SORT1: variants seen among roughly 807,000 people sequenced by gnomAD.
SORT1 encodes the protein sortilin.
SORT1 carries 39 observed loss-of-function variants against 101.7 expected under a neutral mutation model. The ratio of observed to expected loss-of-function variants is 0.38; its 90% CI spans 0.30 to 0.50. The LOEUF is 0.50. SORT1 is among the 20% of genes least tolerant of loss of function. SORT1 has a pLI of 0.90. For missense variants in SORT1, 878 were observed against 1,040.4 expected (o/e 0.84, Z 2.15); for synonymous variants, 396 against 393.7 (o/e 1.01, Z -0.07).
At chr1:109,353,328 CAAAA>C (rs1228771965) in intron 5 of SORT1, among the ~76,000 whole-genome samples, 1 of 61,052 alleles carries the variant, frequency 1.6e-5, no homozygotes, top group Non-Finnish European at 3.3e-5. Flanking sequence ...AACTCTGTCT[CAAAA>C]AAAAAAAAAA....
At chr1:109,368,221 G>A (rs1451642615) in intron 2 of SORT1, among the ~76,000 whole-genome samples, 2 of 150,854 alleles carry the variant, frequency 1.3e-5, no homozygotes. Context: ...TTGAACCTGG[G>A]AGGTGGACGT....
At chr1:109,382,754 CA>C (rs1341300409) in intron 1 of SORT1, among the ~76,000 whole-genome samples, 3 of 152,146 alleles carry the variant, frequency 2.0e-5, no homozygotes, top group Admixed American at 2.0e-4. Flanking sequence ...ATCTGACTGT[CA>C]AATAGGTTTT....
At position 109,311,004 on chromosome 1, in the gene SORT1, C is replaced by A. The variant is rs984264747; in HGVS notation, c.*3039G>T. On this transcript the variant is annotated 3_prime_UTR_variant, in exon 20 of 20. Coordinates refer to ENST00000256637, the MANE Select transcript of SORT1 (RefSeq NM_002959.7). ...GGTGGGAAGTCCATTCAGAGGCAGA[C>A]GTAGATTCTACGTTCCAGTTACGGC... 2 of 152,216 alleles carry A rather than the reference C, an allele frequency of 1.3e-5. No homozygotes were observed. Among genetic ancestry groups the A allele is most frequent in the Non-Finnish European group, 2.9e-5 (2 of 68,076 alleles). The allele number at this position is 152,216 out of a possible 1,614,324, so 9.4% of individuals were successfully genotyped here. A position where few individuals can be genotyped will look rare whatever the true frequency, so the allele number is the denominator to read the frequency against.
Position 109,355,464 on chromosome 1 carries a change from T to C in SORT1, c.446A>G (p.Asp149Gly). Reference protein sequence around the residue: ...FGQSKLYRSEDYGKNFKDITD... With the variant: ...FGQSKLYRSEGYGKNFKDITD... ...AATATCCTTAAAGTTCTTCCCATAA[T>C]CCTCACTGAGAGGAAGAAAAAAAGG... Residue 149 changes from aspartate to glycine, a missense_variant, in exon 4 of 20, where the codon GAT becomes GGT. By Grantham distance (94) the Asp-to-Gly change is moderately conservative. This residue lies in a region of SORT1 where 684 missense variants were observed against 894.5 expected (regional missense o/e 0.76). Transcript: ENST00000256637. 6.5e-7 allele frequency: 1 copy of C among 1,536,790 alleles called. No homozygotes were observed. Among genetic ancestry groups the C allele is most frequent in the Non-Finnish European group, 9.0e-7 (1 of 1,109,770 alleles).
chr1:109,334,688 A>C (rs2101568575), intron 11 of SORT1, among the ~76,000 whole-genome samples: 1 of 152,328 alleles, frequency 6.6e-6, no homozygotes, highest in East Asian at 1.9e-4. Flanking sequence ...CCACACACAC[A>C]AAAGATAATT....
At chr1:109,336,490 T>C (rs1398934002) in intron 10 of SORT1, 144 bp from the exon 11 acceptor site, 14 of 632,434 alleles carry the variant, frequency 2.2e-5, no homozygotes, top group Non-Finnish European at 2.9e-5. Context: ...CGGCTCATTG[T>C]TGGTAACGGA....
chr1:109,314,915 A>G (rs559462336), intron 17 of SORT1, 137 bp from the exon 18 acceptor site: 24 of 557,816 alleles, frequency 4.3e-5, no homozygotes, highest in East Asian at 2.2e-4. Context: ...CTCTTTTCCA[A>G]CCCCCCAAGA....
chr1:109,333,323 A>G (rs1648587501), intron 11 of SORT1, among the ~76,000 whole-genome samples: 2 of 152,204 alleles, frequency 1.3e-5, no homozygotes, highest in Non-Finnish European at 2.9e-5. Context: ...AAGGAAATAT[A>G]GGGAAAAAAG....
chr1:109,391,288 T>G (rs1163565909), intron 1 of SORT1, among the ~76,000 whole-genome samples: 1 of 152,192 alleles, frequency 6.6e-6, no homozygotes, highest in Non-Finnish European at 1.5e-5. Context: ...AAAACACCCC[T>G]AAATGTGAAA....
rs1350825367 is a variant in SORT1, at chr1:109,397,569, G to C, written c.306+18C>G. Reference sequence around the variant, plus strand: ...GCACCTCGCACCCGAGCGGCTCCCGGGCCCGGCGCCCGCTCACCTGGTGCG... The same window carrying C: ...GCACCTCGCACCCGAGCGGCTCCCGCGCCCGGCGCCCGCTCACCTGGTGCG... On this transcript the variant is annotated intron_variant, in intron 1 of 19. Transcript: ENST00000256637. 2 of 1,178,578 alleles carry C rather than the reference G, an allele frequency of 1.7e-6. No homozygotes were observed. The highest frequency in any genetic ancestry group is 2.1e-6 in the Non-Finnish European group (2 of 950,724). The allele number at this position is 1,178,578 out of a possible 1,614,324, so 73.0% of individuals were successfully genotyped here.
At chr1:109,325,166 T>C (rs1647904890) in intron 13 of SORT1, 77 bp from the exon 14 acceptor site, 3 of 917,310 alleles carry the variant, frequency 3.3e-6, no homozygotes, top group Non-Finnish European at 4.8e-6. Context: ...TCTGGCTTTT[T>C]GATCCCAAAC....
chr1:109,386,859 G>A (rs1652601060), intron 1 of SORT1, among the ~76,000 whole-genome samples: 1 of 152,180 alleles, frequency 6.6e-6, no homozygotes, highest in South Asian at 2.1e-4. Flanking sequence ...AAAGCTAACA[G>A]CAGCTGCTCA....
chr1:109,354,600 C>T, intron 4 of SORT1, 69 bp from the exon 5 acceptor site: 1 of 1,143,880 alleles, frequency 8.7e-7, no homozygotes, highest in Non-Finnish European at 1.2e-6. Flanking sequence ...GTTCTTACAC[C>T]ATTTTCACCA....
chr1:109,348,886 T>C (rs564003375), intron 6 of SORT1, among the ~76,000 whole-genome samples: 82 of 152,228 alleles, frequency 5.4e-4, no homozygotes, highest in Admixed American at 1.4e-3. Context: ...CGAGGATCAC[T>C]TGAGCCCAGG....
intron 1 of SORT1, among the ~76,000 whole-genome samples, chr1:109,376,702 T>C (rs550173642): frequency 3.7e-4 from 57 of 152,132 alleles, no homozygotes; most frequent in Non-Finnish European, 6.9e-4. Context: ...TGGGTACTCA[T>C]GGACATAAAG....
At chr1:109,349,727 G>A (rs980506018) in intron 6 of SORT1, among the ~76,000 whole-genome samples, 2 of 152,204 alleles carry the variant, frequency 1.3e-5, no homozygotes, top group African/African-American at 4.8e-5. Flanking sequence ...AGCCATGCCT[G>A]TGCCACTGTA....
chr1:109,345,744 T>A lies in SORT1; in HGVS notation c.963+7A>T. ...TCAGACCCCAAAGGGGAGAGGGCAA[T>A]ACCTACCTTATCAGCCATCACAGAG... On this transcript the variant is annotated splice_region_variant and intron_variant, in intron 8 of 19. Coordinates refer to ENST00000256637, the MANE Select transcript of SORT1 (RefSeq NM_002959.7). The A allele has an allele frequency of 6.2e-7, 1 of 1,612,424 alleles. No homozygotes were observed. Among genetic ancestry groups the A allele is most frequent in the Non-Finnish European group, 8.5e-7 (1 of 1,179,344 alleles).
chr1:109,348,856 C>A (rs547449528), intron 6 of SORT1, among the ~76,000 whole-genome samples: 1 of 152,006 alleles, frequency 6.6e-6, no homozygotes, highest in Non-Finnish European at 1.5e-5. Context: ...GTAGTTCCAG[C>A]GACTGGGAAG....
intron 11 of SORT1, among the ~76,000 whole-genome samples, chr1:109,331,097 A>G (rs1183138094): frequency 2.0e-5 from 3 of 152,196 alleles, no homozygotes; most frequent in Non-Finnish European, 4.4e-5. Context: ...AAGAGAATGG[A>G]ACACTTCCAA....
Sources: allele counts gnomAD v4.1 joint callset (sites outside exome capture counted in the v4.1 genomes callset), GRCh38; gene constraint gnomAD v4.1.1; regional missense constraint gnomAD v4.1.1; transcripts MANE v1.5; gene names NCBI Gene and HGNC (gene_info 2026-07-23, HGNC 2026-07-21).